Variants in CLCN7 observed in about 807,000 individuals in gnomAD.
CLCN7 encodes the protein Cl-/H+ antiporter 7, also known as H(+)/Cl(-) exchange transporter 7.
CLCN7 carries 60 observed loss-of-function variants against 102.1 expected under a neutral mutation model. The observed-to-expected ratio is 0.59, with a 90% CI of 0.48 to 0.73. CLCN7 has a LOEUF of 0.73. Ranked by LOEUF, CLCN7 falls within the 30% of genes least tolerant of loss-of-function variation. CLCN7 has a pLI of 0.00. For missense variants in CLCN7, 962 were observed against 1,125.7 expected, an observed-to-expected ratio of 0.85 and a Z score of 2.08; for synonymous variants, 560 against 490.5, an observed-to-expected ratio of 1.14 and a Z score of -1.87.
chr16:1,472,133 G>A (rs764759957), intron 1 of CLCN7, among the ~76,000 whole-genome samples: 4 of 152,258 alleles, frequency 2.6e-5, no homozygotes, highest in Non-Finnish European at 5.9e-5. Context: ...CAGCCACAGA[G>A]CAAGTGCACG....
At chr16:1,458,781 C>A (rs1478799090) in intron 7 of CLCN7, among the ~76,000 whole-genome samples, 1 of 152,248 alleles carries the variant, frequency 6.6e-6, no homozygotes, top group Non-Finnish European at 1.5e-5. Context: ...ACGCCCACTA[C>A]CACGACAGCT....
In CLCN7 at chr16:1,448,451, C is replaced by A. The variant is rs536765749; in HGVS notation, c.1917G>T (p.Arg639Ser). ...CAATGACGCCGACCTTCTCACGCCG[C>A]CTCAGGCAGGTCACTGGTGTGCTCA... ...EVMSTPVTCL[R>S]RREKVGVIVD... is the part of the protein sequence containing the mutation. The change falls in exon 21 of 25, where the codon AGG (arginine) becomes AGT (serine). Residue 639 changes from arginine (R) to serine (S), a missense_variant. Transcript: ENST00000382745. 1 of 1,611,718 alleles carries A rather than the reference C, an allele frequency of 6.2e-7. No homozygotes were observed. Among genetic ancestry groups the A allele is most frequent in the African/African-American group, 1.3e-5 (1 of 75,062 alleles).
At chr16:1,452,200 T>A (rs1428693304) in intron 15 of CLCN7, 1 of 257,728 alleles carries the variant, frequency 3.9e-6, no homozygotes, top group African/African-American at 2.2e-5. Flanking sequence ...TCTCTAACGG[T>A]TCACACCTGA....
chr16:1,461,336 GCAGCCCCAGGCCCGGC>G (rs2038932407), intron 4 of CLCN7, 53 bp downstream of exon 4: 3 of 1,368,342 alleles, frequency 2.2e-6, no homozygotes, highest in Non-Finnish European at 3.0e-6. Flanking sequence ...CGGCAGAAGA[GCAGCCCCAGGCCCGGC>G]CGGCACCAGG....
intron 2 of CLCN7, 50 bp downstream of exon 2, chr16:1,465,217 G>T: frequency 6.4e-7 from 1 of 1,568,690 alleles, no homozygotes; most frequent in Non-Finnish European, 8.8e-7. Context: ...GTCACCCTCT[G>T]CTAAGATGCA....
At chr16:1,463,789 A>T (rs1474302784) in intron 2 of CLCN7, among the ~76,000 whole-genome samples, 1 of 139,898 alleles carries the variant, frequency 7.1e-6, no homozygotes, top group African/African-American at 2.7e-5. Context: ...AAAAAAAAAA[A>T]TTTGAGGCAG....
rs36084043 is a variant in CLCN7, at chr16:1,473,086, A to AAC, written c.141+1746_141+1747dup. Among the ~76,000 whole-genome samples, 723 of 150,138 alleles carry AAC rather than the reference A, an allele frequency of 4.8e-3. 4 individuals are homozygous for AAC. The highest frequency in any genetic ancestry group is 0.012 in the South Asian group (57 of 4,746). On this transcript the variant is annotated intron_variant, in intron 1 of 24. Coordinates refer to ENST00000382745, the MANE Select transcript of CLCN7 (RefSeq NM_001287.6). ...CACCTGGCCTTTCTTTTAAAACAGA[A>AAC]ACACACACACACACACACAGAGGCA...
chr16:1,460,317 T>C (rs921692045), intron 6 of CLCN7, 101 bp downstream of exon 6: 21 of 864,722 alleles, frequency 2.4e-5, no homozygotes, highest in Non-Finnish European at 4.0e-5. Context: ...TGTCAGCCAA[T>C]GTGATGGTGG....
intron 16 of CLCN7, among the ~76,000 whole-genome samples, chr16:1,451,007 G>A (rs909041339): frequency 8.8e-4 from 134 of 152,324 alleles, no homozygotes; most frequent in Non-Finnish European, 1.2e-4. Context: ...GCCTGGCTCC[G>A]GGAAGAGGGT....
At chr16:1,451,491 C>T in intron 16 of CLCN7, 132 bp downstream of exon 16, 1 of 710,998 alleles carries the variant, frequency 1.4e-6, no homozygotes, top group Non-Finnish European at 2.5e-6. Context: ...GGAGTGAGTC[C>T]CTGCTATGAT....
At chr16:1,449,450 C>G in intron 17 of CLCN7, 123 bp from the exon 18 acceptor site, 1 of 846,070 alleles carries the variant, frequency 1.2e-6, no homozygotes, top group South Asian at 1.5e-5. Context: ...ACCTCGTGGC[C>G]GCGTACATAC....
At chr16:1,454,915 T>C (rs562267023) in intron 12 of CLCN7, among the ~76,000 whole-genome samples, 3 of 152,314 alleles carry the variant, frequency 2.0e-5, no homozygotes, top group African/African-American at 7.2e-5. Flanking sequence ...CTGTGTGACA[T>C]CCCAGGTGCC....
Position 1,446,733 on chromosome 16 carries a change from A to T in CLCN7, c.2332-16T>A. 1 of 1,566,912 alleles carries T rather than the reference A, an allele frequency of 6.4e-7. No individual in the cohort carries two copies. Among genetic ancestry groups the T allele is most frequent in the Non-Finnish European group, 8.7e-7 (1 of 1,154,602 alleles). On this transcript the variant is annotated splice_polypyrimidine_tract_variant and intron_variant, in intron 24 of 24. Transcript: ENST00000382745. ...ACCCGACAACCTGCAGGACAAGTCC[A>T]GGCCACAGTGACACACGGGTCGGCT...
intron 17 of CLCN7, 128 bp downstream of exon 17, chr16:1,450,369 C>T (rs2038725049): frequency 1.0e-6 from 1 of 997,330 alleles, no homozygotes; most frequent in Non-Finnish European, 1.5e-6. Context: ...GAGGACAACG[C>T]CCACGGCCCG....
chr16:1,462,316 G>A (rs1010497749), intron 2 of CLCN7, among the ~76,000 whole-genome samples: 1 of 144,064 alleles, frequency 6.9e-6, no homozygotes, highest in Non-Finnish European at 1.5e-5. Flanking sequence ...ATCAACTGAA[G>A]CCAGGAGTTC....
chr16:1,466,302 C>T (rs1034897798), intron 1 of CLCN7, among the ~76,000 whole-genome samples: 1 of 152,208 alleles, frequency 6.6e-6, no homozygotes, highest in Non-Finnish European at 1.5e-5. Context: ...CCTCCTCATC[C>T]CCCCATCTCT....
chr16:1,469,035 A>T (rs558107339), intron 1 of CLCN7, among the ~76,000 whole-genome samples: 1 of 145,916 alleles, frequency 6.9e-6, no homozygotes, highest in Admixed American at 6.7e-5. Context: ...TACTTAAAAA[A>T]AACGAAAAAA....
At chr16:1,460,128 G>C (rs1413283433) in intron 6 of CLCN7, among the ~76,000 whole-genome samples, 1 of 151,950 alleles carries the variant, frequency 6.6e-6, no homozygotes, top group Non-Finnish European at 1.5e-5. Flanking sequence ...GGTGGAGATG[G>C]AAGGAGGGGA....
intron 12 of CLCN7, among the ~76,000 whole-genome samples, chr16:1,454,904 A>G (rs542442297): frequency 6.6e-6 from 1 of 152,340 alleles, no homozygotes; most frequent in Admixed American, 6.5e-5. Context: ...GCACGCAGCA[A>G]CTGTGTGACA....
Sources: gnomAD v4.1 joint callset for allele counts (sites outside exome capture counted in the v4.1 genomes callset) on GRCh38, gnomAD v4.1.1 for gene constraint, MANE v1.5 for transcripts, NCBI Gene and HGNC (gene_info 2026-07-23, HGNC 2026-07-21) for gene names.